Variants in CDH22 observed in about 807,000 individuals in gnomAD.
CDH22 encodes cadherin 22.
In CDH22, 30 loss-of-function variants were observed where a neutral mutation model predicts 58.4. That is an observed-to-expected ratio of 0.51 (90% CI 0.38 to 0.70). The LOEUF is 0.70. Among genes scored for constraint, CDH22 ranks in the 30% least tolerant of loss-of-function variants. The pLI is 0.00. For missense variants in CDH22, 1,014 were observed against 1,233.9 expected (o/e 0.82, Z 2.67); for synonymous variants, 513 against 558.2 (o/e 0.92, Z 1.14).
intron 1 of CDH22, among the ~76,000 whole-genome samples, chr20:46,260,013 T>G (rs1473361018): frequency 6.6e-6 from 1 of 152,170 alleles, no homozygotes; most frequent in Non-Finnish European, 1.5e-5. Flanking sequence ...CAGCCCCTCC[T>G]CTGTTAATAG....
chr20:46,238,428 C>T (rs1218879325), intron 3 of CDH22, among the ~76,000 whole-genome samples: 1 of 152,190 alleles, frequency 6.6e-6, no homozygotes, highest in Non-Finnish European at 1.5e-5. Flanking sequence ...TATGTCTTTG[C>T]CATTGATAAT....
chr20:46,227,587 G>A lies in CDH22; in HGVS notation c.591C>T (p.Asp197=). 6.2e-7 allele frequency: 1 copy of A among 1,613,036 alleles called. No individual in the cohort carries two copies. The highest frequency in any genetic ancestry group is 8.5e-7 in the Non-Finnish European group (1 of 1,179,780). Residue 197 remains aspartate (D), a synonymous_variant, in exon 4 of 12, where the codon GAC becomes GAT. Transcript: ENST00000537909. ...VMQVMASDAD[D]PTYGSSARLV... is the part of the protein sequence containing the mutation. ...GCCGAGCGCTGCTGCCGTACGTGGG[G>A]TCATCCGCATCCGAGGCCATCACCT...
chr20:46,217,097 T>C, intron 4 of CDH22, 104 bp from the exon 5 acceptor site: 1 of 1,178,828 alleles, frequency 8.5e-7, no homozygotes, highest in Non-Finnish European at 1.2e-6. Context: ...CCTGGGAAAA[T>C]TAAGCTCAGG....
At chr20:46,235,001 T>G (rs2086243483) in intron 3 of CDH22, among the ~76,000 whole-genome samples, 1 of 152,248 alleles carries the variant, frequency 6.6e-6, no homozygotes, top group African/African-American at 2.4e-5. Context: ...TTTGCTAAGT[T>G]GGGTGACTCA....
intron 7 of CDH22, among the ~76,000 whole-genome samples, chr20:46,208,819 C>A (rs1290524636): frequency 6.6e-6 from 1 of 152,340 alleles, no homozygotes; most frequent in East Asian, 1.9e-4. Flanking sequence ...TCTCAAACTC[C>A]TGACCTCGGG....
intron 1 of CDH22, among the ~76,000 whole-genome samples, chr20:46,273,958 G>A (rs1030157689): frequency 6.6e-6 from 1 of 152,222 alleles, no homozygotes; most frequent in African/African-American, 2.4e-5. Flanking sequence ...ACTGGGAGGA[G>A]GGAAGAGCAG....
At chr20:46,302,272 G>A (rs2086655518) in intron 1 of CDH22, among the ~76,000 whole-genome samples, 1 of 152,174 alleles carries the variant, frequency 6.6e-6, no homozygotes, top group African/African-American at 2.4e-5. Flanking sequence ...ATGAGTCTTT[G>A]CAGTGGGGTG....
At chr20:46,254,069 A>C (rs150054222) in intron 1 of CDH22, among the ~76,000 whole-genome samples, 43 of 152,228 alleles carry the variant, frequency 2.8e-4, no homozygotes, top group Non-Finnish European at 2.9e-4. Flanking sequence ...TTATCCTTTC[A>C]CTCATTCATT....
chr20:46,301,698 C>T (rs1011691994), intron 1 of CDH22, among the ~76,000 whole-genome samples: 3 of 151,896 alleles, frequency 2.0e-5, no homozygotes, highest in Non-Finnish European at 4.4e-5. Flanking sequence ...GTAATCCCAG[C>T]TACTCGGGAG....
chr20:46,250,288 A>T (rs2425804), intron 2 of CDH22, among the ~76,000 whole-genome samples: 60,545 of 152,124 alleles, frequency 0.4, 12,308 homozygotes, highest in Middle Eastern at 0.64. Context: ...GCGGCGAGCA[A>T]AACAAACATG....
At chr20:46,212,939 C>G in intron 6 of CDH22, 56 bp downstream of exon 6, 1 of 1,496,344 alleles carries the variant, frequency 6.7e-7, no homozygotes, top group Non-Finnish European at 9.3e-7. Flanking sequence ...CAGAGGCCTC[C>G]CTGATCCTCC....
Position 46,177,935 on chromosome 20 carries a change from G to A in CDH22, c.1915+11C>T, listed in dbSNP as rs759021901. The A allele has an allele frequency of 6.8e-6, 11 of 1,612,916 alleles. No individual in the cohort carries two copies. Among genetic ancestry groups the A allele is most frequent in the South Asian group, 2.2e-5 (2 of 91,014 alleles). On this transcript the variant is annotated intron_variant, in intron 11 of 11. Transcript: ENST00000537909. ...AATCAGGCAGGGCTGGGTGGCTCTC[G>A]ATGGACTCACCAACCAGGATGAGAA...
intron 2 of CDH22, among the ~76,000 whole-genome samples, chr20:46,246,316 C>T (rs1401122127): frequency 6.6e-6 from 1 of 152,302 alleles, no homozygotes; most frequent in East Asian, 1.9e-4. Context: ...TAAATATTAG[C>T]AACTTAATTA....
In CDH22 at chr20:46,227,499, G is replaced by A. The variant is rs765359411; in HGVS notation, c.670+9C>T. 2.4e-5 allele frequency: 37 copies of A among 1,558,742 alleles called. No individual in the cohort carries two copies. Among genetic ancestry groups the A allele is most frequent in the Non-Finnish European group, 3.0e-5 (35 of 1,152,580 alleles). ...ACGGCTCCGCCTCTGGCCCCGCCCT[G>A]CCCCTCACCGGTCTTGGGGTCCACG... On this transcript the variant is annotated intron_variant, in intron 4 of 11. Coordinates refer to ENST00000537909, the MANE Select transcript of CDH22 (RefSeq NM_021248.3).
chr20:46,303,514 T>G (rs566356186), intron 1 of CDH22, among the ~76,000 whole-genome samples: 2 of 152,206 alleles, frequency 1.3e-5, no homozygotes, highest in African/African-American at 4.8e-5. Flanking sequence ...GCTTAACACA[T>G]AGTAATGCTT....
At chr20:46,177,843 T>G in intron 11 of CDH22, 103 bp downstream of exon 11, 2 of 1,407,440 alleles carry the variant, frequency 1.4e-6, no homozygotes, top group Non-Finnish European at 1.9e-6. Flanking sequence ...CATCCTCATG[T>G]GGAGAGGGAA....
intron 1 of CDH22, among the ~76,000 whole-genome samples, chr20:46,277,340 G>A (rs1361032662): frequency 6.6e-6 from 1 of 152,132 alleles, no homozygotes; most frequent in Non-Finnish European, 1.5e-5. Context: ...GGAGAGCAGC[G>A]GGCCAGGTTG....
At chr20:46,181,308 T>A (rs1226968143) in intron 10 of CDH22, among the ~76,000 whole-genome samples, 1 of 152,066 alleles carries the variant, frequency 6.6e-6, no homozygotes, top group African/African-American at 2.4e-5. Flanking sequence ...CCTGAGCCAG[T>A]CTAGGAGGTC....
intron 8 of CDH22, among the ~76,000 whole-genome samples, chr20:46,191,589 C>T (rs1158577068): frequency 6.6e-6 from 1 of 152,168 alleles, no homozygotes; most frequent in South Asian, 2.1e-4. Flanking sequence ...GTCCTGTCAA[C>T]CACGGTGGGA....
Sources: gnomAD v4.1 joint callset for allele counts (sites outside exome capture counted in the v4.1 genomes callset) on GRCh38, gnomAD v4.1.1 for gene constraint, MANE v1.5 for transcripts, NCBI Gene and HGNC (gene_info 2026-07-23, HGNC 2026-07-21) for gene names.